The following CRTAC1 variants were observed in gnomAD, a reference collection of about 807,000 sequenced individuals.
CRTAC1 encodes the protein acidic secreted protein in cartilage.
A neutral mutation model predicts 67.8 loss-of-function variants in CRTAC1; 37 were observed. The ratio of observed to expected loss-of-function variants is 0.55; its 90% CI spans 0.42 to 0.72. CRTAC1 has a LOEUF of 0.72. Among genes scored for constraint, CRTAC1 ranks in the 30% least tolerant of loss-of-function variants. The probability of loss-of-function intolerance (pLI) is 0.00; values close to 1 mark genes in which losing one functional copy is unlikely to be tolerated. For missense variants in CRTAC1, 780 were observed against 931.6 expected (o/e 0.84, Z 2.12); for synonymous variants, 348 against 371.0 (o/e 0.94, Z 0.71).
rs1427627573 is a variant in CRTAC1 at position 97,923,441 on chromosome 10, C to G, written c.422-41G>C. 9 of 1,613,102 alleles carry G rather than the reference C, an allele frequency of 5.6e-6. No individual in the cohort carries two copies. In the African/African-American group the frequency reaches 1.1e-4, roughly 19 times the overall value. The stretch of plus-strand genomic sequence containing the variant: ...AAGGGAGGGCTGGTGGACAGTGGAT[C>G]AGGGTCTTGGTTCTGATCTCTGGGT... On this transcript the variant is annotated intron_variant, in intron 3 of 14. Coordinates refer to ENST00000370597, the MANE Select transcript of CRTAC1 (RefSeq NM_018058.7).
At chr10:97,978,070 G>T (rs1321362118) in intron 2 of CRTAC1, among the ~76,000 whole-genome samples, 4 of 152,204 alleles carry the variant, frequency 2.6e-5, no homozygotes, top group African/African-American at 9.6e-5. Flanking sequence ...TCAAATCACA[G>T]AAATAATCAC....
intron 1 of CRTAC1, among the ~76,000 whole-genome samples, chr10:98,015,553 T>C (rs1268450827): frequency 6.6e-6 from 1 of 152,246 alleles, no homozygotes; most frequent in Non-Finnish European, 1.5e-5. Flanking sequence ...TGCCTGGGTC[T>C]CATCTCAAGA....
At chr10:98,012,643 T>C (rs1222326225) in intron 1 of CRTAC1, among the ~76,000 whole-genome samples, 3 of 152,188 alleles carry the variant, frequency 2.0e-5, no homozygotes, top group African/African-American at 7.2e-5. Flanking sequence ...CAGATGCTCC[T>C]GCCGGCAAAT....
At chr10:98,003,083 C>G (rs1842725010) in intron 2 of CRTAC1, among the ~76,000 whole-genome samples, 1 of 151,900 alleles carries the variant, frequency 6.6e-6, no homozygotes, top group Non-Finnish European at 1.5e-5. Flanking sequence ...GCGCCCGGCC[C>G]AAAACTCACA....
At position 97,884,245 on chromosome 10, in the gene CRTAC1, G is replaced by T. The variant is rs376065378; in HGVS notation, c.1593C>A (p.Pro531=). 7.0e-6 allele frequency: 11 copies of T among 1,567,324 alleles called. No individual in the cohort carries two copies. The African/African-American group carries it at 1.4e-4, about 19-fold the overall frequency. ...EMNSVLEILY[P]RDEDTLQDPA... ...GGTCCTGAAGTGTGTCCTCATCCCG[G>T]GGGTAGAGGATCTCCAGCACTGAGT... Residue 531 remains proline (P), a synonymous_variant, in exon 12 of 15, where the codon CCC becomes CCA. Coordinates refer to ENST00000370597, the MANE Select transcript of CRTAC1 (RefSeq NM_018058.7).
chr10:97,948,528 A>C (rs530610888), intron 2 of CRTAC1, among the ~76,000 whole-genome samples: 12 of 152,312 alleles, frequency 7.9e-5, no homozygotes, highest in African/African-American at 2.4e-4. Context: ...GTTTGTGAGC[A>C]AGAGGAAAAG....
intron 7 of CRTAC1, among the ~76,000 whole-genome samples, 189 bp from the exon 8 acceptor site, chr10:97,901,828 A>G (rs1181141074): frequency 6.6e-6 from 1 of 152,154 alleles, no homozygotes; most frequent in African/African-American, 2.4e-5. Context: ...CTTGTACGAG[A>G]AGAAGGAGGG....
intron 14 of CRTAC1, among the ~76,000 whole-genome samples, chr10:97,873,031 A>T (rs2050109862): frequency 6.6e-6 from 1 of 152,240 alleles, no homozygotes. Flanking sequence ...GCATTTCATC[A>T]GTCAGGCACT....
At chr10:97,891,663 A>G (rs1379028494) in intron 11 of CRTAC1, among the ~76,000 whole-genome samples, 1 of 151,898 alleles carries the variant, frequency 6.6e-6, no homozygotes, top group Non-Finnish European at 1.5e-5. Context: ...CCACAGGTTC[A>G]CCTCTGTCTT....
Position 97,878,904 on chromosome 10 carries a change from C to T in CRTAC1, c.1819+1345G>A, listed in dbSNP as rs530359051. Among the ~76,000 whole-genome samples the T allele has an allele frequency of 2.0e-5, 3 of 152,332 alleles. No individual in the cohort carries two copies. The South Asian group carries it at 6.2e-4, about 32-fold the overall frequency. Reference sequence around the variant, plus strand: ...CCCCTCACTCATCACACATCCTTCACTTGGCCCAAACCCTGGTCCCCCAAA... The same window carrying T: ...CCCCTCACTCATCACACATCCTTCATTTGGCCCAAACCCTGGTCCCCCAAA... On this transcript the variant is annotated intron_variant, in intron 14 of 14. Coordinates refer to ENST00000370597, the MANE Select transcript of CRTAC1 (RefSeq NM_018058.7).
intron 2 of CRTAC1, among the ~76,000 whole-genome samples, chr10:97,953,670 C>T (rs2051395969): frequency 6.6e-6 from 1 of 152,208 alleles, no homozygotes; most frequent in Admixed American, 6.5e-5. Context: ...ATTTATCTCC[C>T]CCACCTTTCA....
chr10:97,925,482 AGT>A (rs1564897382), intron 3 of CRTAC1, among the ~76,000 whole-genome samples: 1 of 150,698 alleles, frequency 6.6e-6, no homozygotes, highest in East Asian at 2.0e-4. Flanking sequence ...AGTGTGAGAG[AGT>A]GGGCATGAGT....
intron 2 of CRTAC1, among the ~76,000 whole-genome samples, chr10:97,943,720 C>T (rs186625447): frequency 1.3e-5 from 2 of 152,362 alleles, no homozygotes; most frequent in Admixed American, 1.3e-4. Context: ...TGGTCTGCTT[C>T]CATTTTCGTA....
At position 97,936,280 on chromosome 10, in the gene CRTAC1, T is replaced by C. The variant is rs751867592; in HGVS notation, c.311A>G (p.Tyr104Cys). The stretch of plus-strand genomic sequence containing the variant: ...CCCCTGCCGGTCCCGCAGCGCGTAG[T>C]AGGGTGAGCTGCGCTCATCGACCGC... ...NIAVDERSSP[Y>C]YALRDRQGNA... is the part of the protein sequence containing the mutation. The change falls in exon 3 of 15, where the codon TAC becomes TGC. Residue 104 changes from tyrosine to cysteine, a missense_variant. Tyr to Cys is a radical substitution (Grantham distance 194). Coordinates refer to ENST00000370597, the MANE Select transcript of CRTAC1 (RefSeq NM_018058.7). 1.2e-6 allele frequency: 2 copies of C among 1,614,030 alleles called. No individual in the cohort carries two copies. The highest frequency in any genetic ancestry group is 1.1e-5 in the South Asian group (1 of 91,086).
intron 9 of CRTAC1, 31 bp from the exon 10 acceptor site, chr10:97,896,016 G>A (rs754915798): frequency 5.7e-5 from 91 of 1,590,318 alleles, no homozygotes; most frequent in South Asian, 1.4e-4. Context: ...ACCTCTGGCC[G>A]TAATCCAGGA....
rs151223299 is a variant in CRTAC1 at position 97,925,633 on chromosome 10, G to C, written c.422-2233C>G. ...ATGAGTGAGAGTGAGTGTGAGGGGAGGGTGAGTGAGAATGAGTGTGGGCAT... is the reference window on the plus strand; with the variant it reads ...ATGAGTGAGAGTGAGTGTGAGGGGACGGTGAGTGAGAATGAGTGTGGGCAT... On this transcript the variant is annotated intron_variant, in intron 3 of 14. Transcript: ENST00000370597. Among the ~76,000 whole-genome samples, 219 of 145,362 alleles carry C rather than the reference G, an allele frequency of 1.5e-3. 3 individuals carry two copies. The highest frequency in any genetic ancestry group is 5.2e-3 in the African/African-American group (202 of 39,074).
intron 2 of CRTAC1, among the ~76,000 whole-genome samples, chr10:97,952,765 G>T (rs1223865221): frequency 6.6e-6 from 1 of 152,142 alleles, no homozygotes; most frequent in Non-Finnish European, 1.5e-5. Flanking sequence ...AAAAAGACTT[G>T]CACAAATCTT....
At chr10:97,880,538 T>A in intron 13 of CRTAC1, 146 bp from the exon 14 acceptor site, 1 of 1,045,778 alleles carries the variant, frequency 9.6e-7, no homozygotes, top group African/African-American at 1.6e-5. Context: ...CTTGGCTGGC[T>A]CCTCCTGTAC....
At chr10:97,954,016 G>A (rs541366096) in intron 2 of CRTAC1, among the ~76,000 whole-genome samples, 65 of 152,256 alleles carry the variant, frequency 4.3e-4, no homozygotes, top group African/African-American at 1.1e-3. Flanking sequence ...ATGCCAGGTG[G>A]CTGTCGAGAC....
Sources: allele counts gnomAD v4.1 joint callset (sites outside exome capture counted in the v4.1 genomes callset), GRCh38; gene constraint gnomAD v4.1.1; transcripts MANE v1.5; gene names NCBI Gene and HGNC (gene_info 2026-07-23, HGNC 2026-07-21).